ACVR1B: variants seen among roughly 807,000 people sequenced by gnomAD.
ACVR1B encodes the protein activin A receptor type 1B, also known as activin receptor type-1B.
In ACVR1B, 15 loss-of-function variants were observed where a neutral mutation model predicts 55.6. The observed-to-expected ratio is 0.27, with a 90% CI of 0.18 to 0.42. ACVR1B has a LOEUF of 0.42. Ranked by LOEUF, ACVR1B falls within the 10% of genes least tolerant of loss-of-function variation. The pLI is 1.00. For missense variants in ACVR1B, 359 were observed against 670.1 expected (o/e 0.54, Z 5.13); for synonymous variants, 247 against 254.6 (o/e 0.97, Z 0.28).
intron 4 of ACVR1B, among the ~76,000 whole-genome samples, chr12:51,981,576 A>G (rs1941980015): frequency 6.6e-6 from 1 of 152,196 alleles, no homozygotes. Flanking sequence ...TCACGCATGT[A>G]ATGCCAGCAC....
chr12:51,973,506 A>G (rs1190206430), intron 1 of ACVR1B, among the ~76,000 whole-genome samples: 1 of 152,254 alleles, frequency 6.6e-6, no homozygotes, highest in African/African-American at 2.4e-5. Context: ...TTTCAGAAGT[A>G]AATGTAAAAG....
At chr12:51,954,355 T>G (rs1941369418) in intron 1 of ACVR1B, among the ~76,000 whole-genome samples, 1 of 152,216 alleles carries the variant, frequency 6.6e-6, no homozygotes, top group Non-Finnish European at 1.5e-5. Context: ...CATTTAAAAA[T>G]GTAAAATTGA....
intron 1 of ACVR1B, among the ~76,000 whole-genome samples, chr12:51,969,665 A>G (rs928525752): frequency 1.3e-5 from 2 of 152,222 alleles, no homozygotes; most frequent in African/African-American, 4.8e-5. Flanking sequence ...ACCCTAATAA[A>G]GTCTGTACAG....
Position 51,994,438 on chromosome 12 carries a change from G to A in ACVR1B, c.*328G>A, listed in dbSNP as rs1818442991. On this transcript the variant is annotated 3_prime_UTR_variant, in exon 9 of 9. Coordinates refer to ENST00000257963, the MANE Select transcript of ACVR1B (RefSeq NM_004302.5). This position sits in a 1 kb window ranked among gnomAD's most constrained non-coding sequence, Gnocchi z 4.2. The stretch of plus-strand genomic sequence containing the variant: ...CGTGGCCAGGAGCCATGACAGGGGC[G>A]CTTGGGAGGGGCCGGAGGAACCGAG... 2 of 312,454 alleles carry A rather than the reference G, an allele frequency of 6.4e-6. No individual in the cohort carries two copies. The highest frequency in any genetic ancestry group is 8.4e-5 in the East Asian group (1 of 11,938). The allele number at this position is 312,454 out of a possible 1,614,324, so 19.4% of individuals were successfully genotyped here.
intron 1 of ACVR1B, among the ~76,000 whole-genome samples, chr12:51,967,122 C>A (rs946084096): frequency 3.9e-5 from 6 of 151,910 alleles, no homozygotes; most frequent in Non-Finnish European, 7.4e-5. Flanking sequence ...CGCCTGTAGT[C>A]CCAGCTACTC....
At chr12:51,965,743 G>T (rs1245798175) in intron 1 of ACVR1B, among the ~76,000 whole-genome samples, 1 of 152,136 alleles carries the variant, frequency 6.6e-6, no homozygotes, top group Admixed American at 6.5e-5. Context: ...GAATTAGGCC[G>T]GACGTCAGTG....
At chr12:51,962,622 C>T (rs570977062) in intron 1 of ACVR1B, among the ~76,000 whole-genome samples, 2 of 152,196 alleles carry the variant, frequency 1.3e-5, no homozygotes, top group Admixed American at 1.3e-4. Context: ...TTATTGCCTT[C>T]CTGCCCCCCA....
intron 3 of ACVR1B, among the ~76,000 whole-genome samples, chr12:51,980,752 C>T (rs1243239803): frequency 6.6e-6 from 1 of 152,084 alleles, no homozygotes; most frequent in Non-Finnish European, 1.5e-5. Context: ...TACACGTTTC[C>T]TGTTTGTGTT....
chr12:51,984,144 C>T lies in ACVR1B; in HGVS notation c.957C>T (p.His319=). The T allele has an allele frequency of 5.6e-6, 9 of 1,614,172 alleles. No individual in the cohort carries two copies. Among genetic ancestry groups the T allele is most frequent in the Non-Finnish European group, 7.6e-6 (9 of 1,180,030 alleles). ...CTGCTAGTGGGCTGGCACACCTGCA[C>T]ATGGAGATCGTGGGCACCCAAGGTG... ...LSAASGLAHL[H]MEIVGTQGKP... The change falls in exon 5 of 9, where the codon CAC becomes CAT. Residue 319 remains histidine (H), a synonymous_variant. Transcript: ENST00000257963.
At chr12:51,968,107 G>A (rs747785040) in intron 1 of ACVR1B, among the ~76,000 whole-genome samples, 1 of 152,134 alleles carries the variant, frequency 6.6e-6, no homozygotes, top group African/African-American at 2.4e-5. Flanking sequence ...GTGGTAGCAG[G>A]TGCCTGTAAT....
At chr12:51,986,657 A>G (rs1018779539) in intron 6 of ACVR1B, among the ~76,000 whole-genome samples, 161 bp from the exon 7 acceptor site, 4 of 152,226 alleles carry the variant, frequency 2.6e-5, no homozygotes, top group African/African-American at 9.6e-5. Flanking sequence ...AATTTAAAAC[A>G]TGGGAGTTTG....
In ACVR1B at chr12:51,951,717, G is replaced by T. The variant is rs755719640; in HGVS notation, c.-27G>T. ...GCGCGCTGGGCGCTGCTGGGCTGCG[G>T]CGGCGGCGGCGGCGGCGGTGGTTAC... On this transcript the variant is annotated 5_prime_UTR_variant, in exon 1 of 9. Coordinates refer to ENST00000257963, the MANE Select transcript of ACVR1B (RefSeq NM_004302.5). 1.4e-5 allele frequency: 11 copies of T among 806,810 alleles called. No individual in the cohort carries two copies. The highest frequency in any genetic ancestry group is 4.6e-4 in the Middle Eastern group (1 of 2,186). The allele number at this position is 806,810 out of a possible 1,614,324, so 50.0% of individuals were successfully genotyped here. A position where few individuals can be genotyped will look rare whatever the true frequency, so the allele number is the denominator to read the frequency against.
intron 1 of ACVR1B, among the ~76,000 whole-genome samples, chr12:51,958,375 CTG>C (rs1170222127): frequency 6.6e-6 from 1 of 152,112 alleles, no homozygotes; most frequent in Non-Finnish European, 1.5e-5. Flanking sequence ...TGGGATGAAA[CTG>C]TTCCACCTCA....
intron 2 of ACVR1B, 55 bp from the exon 3 acceptor site, chr12:51,976,270 ACT>A: frequency 6.2e-7 from 1 of 1,601,120 alleles, no homozygotes; most frequent in South Asian, 1.1e-5. Flanking sequence ...GGGTGTTTTT[ACT>A]CTTTCCCTTG....
intron 1 of ACVR1B, among the ~76,000 whole-genome samples, chr12:51,974,444 A>T (rs182501900): frequency 1.3e-5 from 2 of 152,058 alleles, no homozygotes; most frequent in Non-Finnish European, 2.9e-5. Flanking sequence ...TATGTATGAT[A>T]GTTACCCAGC....
chr12:51,972,112 T>A (rs558726167), intron 1 of ACVR1B, among the ~76,000 whole-genome samples: 2 of 152,278 alleles, frequency 1.3e-5, no homozygotes, highest in African/African-American at 4.8e-5. Flanking sequence ...TTAAGTACTT[T>A]AAAAAATATA....
At chr12:51,973,235 A>G (rs540050337) in intron 1 of ACVR1B, among the ~76,000 whole-genome samples, 4 of 152,364 alleles carry the variant, frequency 2.6e-5, no homozygotes, top group East Asian at 3.9e-4. Context: ...CTGAAAGGCA[A>G]CTGTGGGTTT....
intron 1 of ACVR1B, among the ~76,000 whole-genome samples, chr12:51,959,294 C>A (rs1284233056): frequency 2.0e-5 from 3 of 152,176 alleles, no homozygotes; most frequent in Non-Finnish European, 1.5e-5. Context: ...CAGCTGATTG[C>A]ACAAGAGGAA....
intron 3 of ACVR1B, among the ~76,000 whole-genome samples, chr12:51,979,940 C>T (rs896092261): frequency 2.6e-5 from 4 of 152,064 alleles, no homozygotes; most frequent in Middle Eastern, 3.4e-3. Flanking sequence ...GTAGGACAGG[C>T]GGACGGAGAT....
Sources: gnomAD v4.1 joint callset for allele counts (sites outside exome capture counted in the v4.1 genomes callset) on GRCh38, gnomAD v4.1.1 for gene constraint, Gnocchi (gnomAD v3.1) non-coding constraint, MANE v1.5 for transcripts, NCBI Gene and HGNC (gene_info 2026-07-23, HGNC 2026-07-21) for gene names.